AFF3: variants seen among roughly 807,000 people sequenced by gnomAD.
The protein encoded by AFF3 is AF4/FMR2 family member 3.
AFF3 carries 32 observed loss-of-function variants against 129.7 expected under a neutral mutation model. That is an observed-to-expected ratio of 0.25 (90% confidence interval 0.19 to 0.33). The LOEUF (loss-of-function observed/expected upper bound fraction) is 0.33. Among genes scored for constraint, AFF3 ranks in the 10% least tolerant of loss-of-function variants. AFF3 has a pLI of 1.00. For synonymous variants in AFF3, 644 were observed against 635.4 expected (o/e 1.01, Z -0.20); for missense variants, 1,373 against 1,592.0 (o/e 0.86, Z 2.34).
intron 18 of AFF3, among the ~76,000 whole-genome samples, chr2:99,569,284 T>C (rs1014930008): frequency 6.6e-6 from 1 of 152,240 alleles, no homozygotes; most frequent in Admixed American, 6.5e-5. Context: ...AGATTGTAAA[T>C]ATACCTCATA....
chr2:99,885,424 G>C (rs1415276653), intron 7 of AFF3, among the ~76,000 whole-genome samples: 1 of 152,114 alleles, frequency 6.6e-6, no homozygotes, highest in East Asian at 1.9e-4. Flanking sequence ...ATTGTGTTTG[G>C]TACTCACATG....
At chr2:99,894,843 T>A (rs1693828573) in intron 7 of AFF3, among the ~76,000 whole-genome samples, 1 of 152,170 alleles carries the variant, frequency 6.6e-6, no homozygotes, top group African/African-American at 2.4e-5. Context: ...CATCACACAG[T>A]ACAAAAGCAC....
intron 7 of AFF3, among the ~76,000 whole-genome samples, chr2:99,908,862 T>A (rs1390399942): frequency 6.6e-6 from 1 of 152,148 alleles, no homozygotes; most frequent in Non-Finnish European, 1.5e-5. Flanking sequence ...TAGGAACACT[T>A]TTACACTGTT....
intron 8 of AFF3, among the ~76,000 whole-genome samples, chr2:99,759,739 T>C (rs920089749): frequency 6.6e-6 from 1 of 152,228 alleles, no homozygotes; most frequent in Non-Finnish European, 1.5e-5. Context: ...AAATATGTAA[T>C]ATACATACAA....
At chr2:99,874,458 A>C (rs1692130097) in intron 7 of AFF3, among the ~76,000 whole-genome samples, 1 of 152,216 alleles carries the variant, frequency 6.6e-6, no homozygotes, top group South Asian at 2.1e-4. Flanking sequence ...GACAGACTCT[A>C]AACAAAGGTA....
intron 7 of AFF3, among the ~76,000 whole-genome samples, chr2:99,847,559 C>T (rs1354067867): frequency 1.3e-5 from 2 of 151,986 alleles, no homozygotes; most frequent in African/African-American, 4.8e-5. Flanking sequence ...TTTATCTTTT[C>T]CCTTCTACTC....
At chr2:99,914,671 T>A (rs979875129) in intron 7 of AFF3, among the ~76,000 whole-genome samples, 55 of 152,142 alleles carry the variant, frequency 3.6e-4, no homozygotes, top group African/African-American at 1.3e-3. Flanking sequence ...ATCCCAGCAC[T>A]TTGGGAGGCC....
chr2:100,034,628 TACA>T (rs952414190), intron 4 of AFF3, among the ~76,000 whole-genome samples: 8 of 152,156 alleles, frequency 5.3e-5, no homozygotes, highest in African/African-American at 1.9e-4. Flanking sequence ...CATTTCTCTT[TACA>T]ACAAGGATTT....
intron 8 of AFF3, among the ~76,000 whole-genome samples, chr2:99,837,006 AG>A (rs1244400798): frequency 6.6e-6 from 1 of 152,236 alleles, no homozygotes; most frequent in East Asian, 1.9e-4. Flanking sequence ...AGAGGGTGAC[AG>A]GGAAAATAAC....
intron 8 of AFF3, among the ~76,000 whole-genome samples, chr2:99,785,115 T>C (rs1455188374): frequency 6.6e-6 from 1 of 152,190 alleles, no homozygotes; most frequent in African/African-American, 2.4e-5. Context: ...CAGGAGAGAA[T>C]GCAGATGTGG....
chr2:99,792,576 A>G (rs1301819483), intron 8 of AFF3, among the ~76,000 whole-genome samples: 1 of 152,232 alleles, frequency 6.6e-6, no homozygotes, highest in African/African-American at 2.4e-5. Flanking sequence ...GAGCAAAGCA[A>G]TTTGTTCCTT....
intron 12 of AFF3, among the ~76,000 whole-genome samples, chr2:99,654,437 T>C (rs959420539): frequency 1.3e-5 from 2 of 152,200 alleles, no homozygotes; most frequent in Admixed American, 6.5e-5. Flanking sequence ...TATTTTATTT[T>C]ACTACTGGAA....
At chr2:100,120,471 C>A (rs981651953) in intron 2 of AFF3, among the ~76,000 whole-genome samples, 1 of 146,492 alleles carries the variant, frequency 6.8e-6, no homozygotes, top group African/African-American at 2.7e-5. Flanking sequence ...CCCCAACCCC[C>A]ACCCTCTGCC....
intron 4 of AFF3, among the ~76,000 whole-genome samples, chr2:100,057,537 G>A (rs1686902129): frequency 6.6e-6 from 1 of 152,068 alleles, no homozygotes; most frequent in African/African-American, 2.4e-5. Context: ...AATTATCATT[G>A]CCAATATTAC....
rs1678252333 is a variant in AFF3 at position 99,970,525 on chromosome 2, C to T, written c.873+36107G>A. Among the ~76,000 whole-genome samples, 3 of 152,186 alleles carry T rather than the reference C, an allele frequency of 2.0e-5. No homozygotes were observed. The South Asian group carries it at 6.2e-4, about 32-fold the overall frequency. On this transcript the variant is annotated intron_variant, in intron 7 of 24. Transcript: ENST00000672756. ...GAGCTGGCTCAAATTCTTTATTAAA[C>T]TATTTTTATTGCTTGCATAAAAGTC...
chr2:99,743,811 CCTCCA>C (rs564101288), intron 10 of AFF3, among the ~76,000 whole-genome samples: 127 of 152,108 alleles, frequency 8.3e-4, no homozygotes, highest in Non-Finnish European at 1.6e-3. Context: ...TTTTTTTCTC[CCTCCA>C]CATATACTAG....
intron 9 of AFF3, among the ~76,000 whole-genome samples, chr2:99,747,594 T>A (rs908225730): frequency 6.6e-6 from 1 of 152,162 alleles, no homozygotes; most frequent in African/African-American, 2.4e-5. Context: ...TTACAAACCA[T>A]AAGATCATGT....
chr2:99,772,441 T>A (rs985526327), intron 8 of AFF3, among the ~76,000 whole-genome samples: 2 of 152,222 alleles, frequency 1.3e-5, no homozygotes, highest in Non-Finnish European at 2.9e-5. Flanking sequence ...CTCTGAACTT[T>A]ACACAGAAAT....
rs181720766 is a variant in AFF3, at chr2:99,744,745, C to T, written c.1003-605G>A. Among the ~76,000 whole-genome samples, 793 of 152,220 alleles carry T rather than the reference C, an allele frequency of 5.2e-3. 4 individuals are homozygous for T. The highest frequency in any genetic ancestry group is 9.0e-3 in the Non-Finnish European group (614 of 68,018). ...TTCTTTTTATGGCTGAATAATATTG[C>T]GTCACATGGATATACAACAATGTGT... On this transcript the variant is annotated intron_variant, in intron 9 of 24. Coordinates refer to ENST00000672756, the MANE Select transcript of AFF3 (RefSeq NM_001386135.1).
Sources: allele counts gnomAD v4.1 joint callset (sites outside exome capture counted in the v4.1 genomes callset), GRCh38; gene constraint gnomAD v4.1.1; transcripts MANE v1.5; gene names NCBI Gene and HGNC (gene_info 2026-07-23, HGNC 2026-07-21).